Variants in RNF217 observed in about 807,000 individuals in gnomAD.
RNF217 encodes ring finger protein 217, also known as E3 ubiquitin-protein ligase RNF217.
Under a neutral mutation model 57.8 loss-of-function variants are expected in RNF217, and 31 were observed. The observed-to-expected ratio is 0.54, with a 90% CI of 0.40 to 0.72. The LOEUF (loss-of-function observed/expected upper bound fraction) is 0.72. Among genes scored for constraint, RNF217 ranks in the 30% least tolerant of loss-of-function variants. The probability of loss-of-function intolerance (pLI) is 0.00; values close to 1 mark genes in which losing one functional copy is unlikely to be tolerated. For synonymous variants in RNF217, 313 were observed against 294.0 expected, an observed-to-expected ratio of 1.06 and a Z score of -0.66; for missense variants, 696 against 708.3, an observed-to-expected ratio of 0.98 and a Z score of 0.20.
chr6:124,981,864 A>T (rs965930140), intron 1 of RNF217, among the ~76,000 whole-genome samples: 2 of 145,002 alleles, frequency 1.4e-5, no homozygotes, highest in Non-Finnish European at 3.0e-5. Context: ...TAAAAATACA[A>T]AAAAAAAAAA....
Position 125,078,081 on chromosome 6 carries a change from G to A in RNF217, c.1483+1223G>A, listed in dbSNP as rs140733041. On this transcript the variant is annotated intron_variant, in intron 4 of 5. Coordinates refer to ENST00000521654, the MANE Select transcript of RNF217 (RefSeq NM_001286398.3). Reference sequence around the variant, plus strand: ...GGAACATAATTTTCCACAGCCAATAGCATTCAATAGTCAAGACTGCTTTTA... The same window carrying A: ...GGAACATAATTTTCCACAGCCAATAACATTCAATAGTCAAGACTGCTTTTA... Among the ~76,000 whole-genome samples, 201 of 152,248 alleles carry A rather than the reference G, an allele frequency of 1.3e-3. 1 individual carries two copies. Among genetic ancestry groups the A allele is most frequent in the African/African-American group, 4.5e-3 (189 of 41,548 alleles).
intron 1 of RNF217, among the ~76,000 whole-genome samples, chr6:125,027,221 T>C (rs1786135335): frequency 6.6e-6 from 1 of 152,170 alleles, no homozygotes; most frequent in African/African-American, 2.4e-5. Context: ...AGTGATCCTA[T>C]TGTGCTATCA....
intron 4 of RNF217, among the ~76,000 whole-genome samples, chr6:125,080,903 C>T (rs1788550715): frequency 6.6e-6 from 1 of 152,034 alleles, no homozygotes; most frequent in South Asian, 2.1e-4. Context: ...CTTGAAACGT[C>T]CCATTTTTAG....
At chr6:125,000,090 G>A (rs1307982651) in intron 1 of RNF217, among the ~76,000 whole-genome samples, 2 of 151,978 alleles carry the variant, frequency 1.3e-5, no homozygotes, top group Non-Finnish European at 2.9e-5. Flanking sequence ...CTTGGCTTAT[G>A]GAATGCAGTC....
At chr6:125,044,851 C>CCG (rs1224168762) in intron 1 of RNF217, among the ~76,000 whole-genome samples, 3 of 152,036 alleles carry the variant, frequency 2.0e-5, no homozygotes, top group Non-Finnish European at 4.4e-5. Flanking sequence ...CTGCCTGACC[C>CCG]CGCAGTTCTT....
At chr6:125,056,496 T>C (rs765904479) in intron 2 of RNF217, among the ~76,000 whole-genome samples, 1 of 152,202 alleles carries the variant, frequency 6.6e-6, no homozygotes, top group Non-Finnish European at 1.5e-5. Flanking sequence ...TTTTACTTCA[T>C]AGTTGCACAA....
intron 1 of RNF217, among the ~76,000 whole-genome samples, chr6:124,968,240 A>G (rs1421453840): frequency 6.6e-6 from 1 of 152,186 alleles, no homozygotes; most frequent in African/African-American, 2.4e-5. Flanking sequence ...GTGAAGAATA[A>G]TATGAGACTG....
At chr6:125,025,321 G>T (rs1786031708) in intron 1 of RNF217, among the ~76,000 whole-genome samples, 1 of 152,122 alleles carries the variant, frequency 6.6e-6, no homozygotes, top group Non-Finnish European at 1.5e-5. Context: ...GGCTGCAAAT[G>T]GACAGATGAT....
chr6:125,066,120 A>G lies in RNF217; in HGVS notation c.1281+8014A>G, dbSNP rs1787928794. Among the ~76,000 whole-genome samples the G allele has an allele frequency of 2.0e-5, 3 of 152,120 alleles. No individual in the cohort carries two copies. In the South Asian group the frequency reaches 6.2e-4, roughly 32 times the overall value. On this transcript the variant is annotated intron_variant, in intron 3 of 5. Transcript: ENST00000521654. ...ACTAAAATGTATTTAGAATCTGACCATATCTCAGTACCCCCACTATCACTA... is the reference window on the plus strand; with the variant it reads ...ACTAAAATGTATTTAGAATCTGACCGTATCTCAGTACCCCCACTATCACTA...
At chr6:125,021,341 A>G (rs565841609) in intron 1 of RNF217, among the ~76,000 whole-genome samples, 86 of 149,180 alleles carry the variant, frequency 5.8e-4, no homozygotes, top group Non-Finnish European at 1.0e-3. Flanking sequence ...ATCTTGGCTC[A>G]CTGCAACCTG....
At chr6:125,060,435 T>C (rs1333430879) in intron 3 of RNF217, among the ~76,000 whole-genome samples, 2 of 152,126 alleles carry the variant, frequency 1.3e-5, no homozygotes, top group Admixed American at 6.6e-5. Context: ...ATAATTTTAG[T>C]AAATATTGTT....
At chr6:124,986,276 A>G (rs1224289645) in intron 1 of RNF217, among the ~76,000 whole-genome samples, 2 of 152,140 alleles carry the variant, frequency 1.3e-5, no homozygotes, top group East Asian at 1.9e-4. Context: ...TTCTTTTGTG[A>G]CCTTGTTTTT....
At chr6:125,022,134 G>T (rs532851259) in intron 1 of RNF217, among the ~76,000 whole-genome samples, 1 of 152,162 alleles carries the variant, frequency 6.6e-6, no homozygotes, top group Non-Finnish European at 1.5e-5. Context: ...CACCTACCTT[G>T]GCCTCCCAAA....
chr6:125,024,637 T>C (rs753093311), intron 1 of RNF217, among the ~76,000 whole-genome samples: 13 of 151,450 alleles, frequency 8.6e-5, no homozygotes, highest in African/African-American at 1.2e-4. Flanking sequence ...AGAGAATCTC[T>C]TGAGCCCGGG....
chr6:124,988,283 C>G (rs1235578512), intron 1 of RNF217, among the ~76,000 whole-genome samples: 1 of 152,116 alleles, frequency 6.6e-6, no homozygotes, highest in East Asian at 1.9e-4. Flanking sequence ...AGGTTGGGGA[C>G]CACTGCATTA....
intron 1 of RNF217, among the ~76,000 whole-genome samples, chr6:125,022,999 A>T (rs1370113762): frequency 6.6e-6 from 1 of 152,168 alleles, no homozygotes; most frequent in South Asian, 2.1e-4. Flanking sequence ...TGCCAGAATA[A>T]ACAAGGCACA....
rs370218512 is a variant in RNF217 at position 125,069,958 on chromosome 6, G to A, written c.1282-6699G>A. 1.1e-3 allele frequency among the ~76,000 whole-genome samples: 174 copies of A among 152,044 alleles called. No homozygotes were observed. In the South Asian group the frequency reaches 0.013, roughly 11 times the overall value. On this transcript the variant is annotated intron_variant, in intron 3 of 5. Coordinates refer to ENST00000521654, the MANE Select transcript of RNF217 (RefSeq NM_001286398.3). ...TGAGATTATAGTGCACCCATTATCC[G>A]AGCAGTGTACACTGTACCCATTACA... is the stretch of plus-strand genomic sequence containing the variant.
At chr6:125,060,792 G>A (rs1023083824) in intron 3 of RNF217, among the ~76,000 whole-genome samples, 1 of 152,118 alleles carries the variant, frequency 6.6e-6, no homozygotes, top group Non-Finnish European at 1.5e-5. Flanking sequence ...TATAACATCA[G>A]ATAGAAATTT....
chr6:125,052,764 G>C (rs1266294730), intron 2 of RNF217, among the ~76,000 whole-genome samples: 3 of 151,990 alleles, frequency 2.0e-5, no homozygotes, highest in African/African-American at 7.2e-5. Flanking sequence ...AGCATCTTCA[G>C]TTTTTAAAAC....
Sources: gnomAD v4.1 joint callset for allele counts (sites outside exome capture counted in the v4.1 genomes callset) on GRCh38, gnomAD v4.1.1 for gene constraint, MANE v1.5 for transcripts, NCBI Gene and HGNC (gene_info 2026-07-23, HGNC 2026-07-21) for gene names.